CNTNAP2: variants seen among roughly 807,000 people sequenced by gnomAD.
CNTNAP2 encodes the protein contactin-associated protein-like 2.
In CNTNAP2, 98 loss-of-function variants were observed where a neutral mutation model predicts 155.2. That is an observed-to-expected ratio of 0.63 (90% CI 0.54 to 0.75). The LOEUF (loss-of-function observed/expected upper bound fraction) is 0.75. Among genes scored for constraint, CNTNAP2 ranks in the 30% least tolerant of loss-of-function variants. CNTNAP2 has a pLI of 0.00. For synonymous variants in CNTNAP2, 651 were observed against 631.2 expected (o/e 1.03, Z -0.47); for missense variants, 1,727 against 1,688.1 (o/e 1.02, Z -0.40).
At chr7:146,737,891 A>G (rs1390271710) in intron 1 of CNTNAP2, among the ~76,000 whole-genome samples, 1 of 152,108 alleles carries the variant, frequency 6.6e-6, no homozygotes, top group Non-Finnish European at 1.5e-5. Flanking sequence ...ACAAACACAC[A>G]TACCACATTT....
chr7:148,226,598 G>GT lies in CNTNAP2; in HGVS notation c.3248-3047dup, dbSNP rs1216936304. ...GAGGCAAAATGATGGAGTTTAACGG[G>GT]TATATGACCTTCCTCTAGGAACACT... is the stretch of plus-strand genomic sequence containing the variant. On this transcript the variant is annotated intron_variant, in intron 19 of 23. Transcript: ENST00000361727. Among the ~76,000 whole-genome samples the GT allele has an allele frequency of 4.0e-5, 6 of 151,446 alleles. No homozygotes were observed. In the East Asian group the frequency reaches 1.2e-3, roughly 29 times the overall value.
chr7:147,005,501 T>C (rs1322449700), intron 3 of CNTNAP2, among the ~76,000 whole-genome samples: 1 of 152,028 alleles, frequency 6.6e-6, no homozygotes, highest in Non-Finnish European at 1.5e-5. Context: ...GTATACCTCA[T>C]TTACATGTGG....
intron 8 of CNTNAP2, among the ~76,000 whole-genome samples, chr7:147,138,134 C>G (rs1462328656): frequency 6.6e-6 from 1 of 151,634 alleles, no homozygotes; most frequent in Non-Finnish European, 1.5e-5. Flanking sequence ...CTAAAAATTT[C>G]CGGTAAAGGC....
intron 1 of CNTNAP2, among the ~76,000 whole-genome samples, chr7:146,590,756 C>T (rs1798769162): frequency 6.6e-6 from 1 of 152,144 alleles, no homozygotes; most frequent in Non-Finnish European, 1.5e-5. Context: ...GCCCAGGTTT[C>T]CCCATGCAAT....
intron 4 of CNTNAP2, among the ~76,000 whole-genome samples, chr7:147,105,953 C>T (rs1414309681): frequency 1.3e-5 from 2 of 151,970 alleles, no homozygotes; most frequent in African/African-American, 4.8e-5. Flanking sequence ...AAGCCATCTT[C>T]ATCTTTTCTG....
intron 14 of CNTNAP2, among the ~76,000 whole-genome samples, chr7:147,926,009 G>A (rs1800390914): frequency 6.6e-6 from 1 of 152,152 alleles, no homozygotes; most frequent in South Asian, 2.1e-4. Flanking sequence ...GATAAAAAAT[G>A]TTAAATAGTA....
chr7:146,169,757 T>C (rs1798362188), intron 1 of CNTNAP2, among the ~76,000 whole-genome samples: 1 of 151,290 alleles, frequency 6.6e-6, no homozygotes, highest in Non-Finnish European at 1.5e-5. Context: ...TTTAACATAA[T>C]ATATTCCAGG....
At chr7:147,060,825 C>G (rs1799652258) in intron 4 of CNTNAP2, among the ~76,000 whole-genome samples, 1 of 151,154 alleles carries the variant, frequency 6.6e-6, no homozygotes, top group Non-Finnish European at 1.5e-5. Flanking sequence ...GACCGCGCCA[C>G]TGCACTCCAG....
At chr7:146,937,904 A>G (rs1205093312) in intron 3 of CNTNAP2, among the ~76,000 whole-genome samples, 1 of 152,172 alleles carries the variant, frequency 6.6e-6, no homozygotes, top group Non-Finnish European at 1.5e-5. Flanking sequence ...AAGTTTAAGG[A>G]AGCTAAAAAG....
intron 13 of CNTNAP2, among the ~76,000 whole-genome samples, chr7:147,746,270 T>C (rs10500191): frequency 0.23 from 34,938 of 152,126 alleles, 4,221 homozygotes; most frequent in Middle Eastern, 0.4. Context: ...GATTGAAAGA[T>C]ACCAGATTTA....
chr7:146,618,357 A>G (rs1291556225), intron 1 of CNTNAP2, among the ~76,000 whole-genome samples: 8 of 152,220 alleles, frequency 5.3e-5, no homozygotes, highest in Non-Finnish European at 7.3e-5. Flanking sequence ...AGACTCATTA[A>G]TTGTACATTT....
intron 17 of CNTNAP2, among the ~76,000 whole-genome samples, chr7:148,157,310 G>A (rs948424885): frequency 1.3e-5 from 2 of 152,050 alleles, no homozygotes; most frequent in Non-Finnish European, 2.9e-5. Flanking sequence ...GGAGGATAGG[G>A]TCCAATAACA....
intron 21 of CNTNAP2, among the ~76,000 whole-genome samples, chr7:148,295,327 CTCT>C (rs1032052354): frequency 5.3e-5 from 8 of 152,028 alleles, no homozygotes; most frequent in Non-Finnish European, 1.0e-4. Flanking sequence ...GTGCTCAAGG[CTCT>C]TCTTCTATCT....
chr7:147,856,637 T>C (rs1246584306), intron 13 of CNTNAP2, among the ~76,000 whole-genome samples: 1 of 152,036 alleles, frequency 6.6e-6, no homozygotes, highest in East Asian at 1.9e-4. Context: ...GGCTTTTTTT[T>C]TTTTTCTGCT....
intron 13 of CNTNAP2, among the ~76,000 whole-genome samples, chr7:147,821,115 T>C (rs1584973425): frequency 6.6e-6 from 1 of 152,200 alleles, no homozygotes; most frequent in Non-Finnish European, 1.5e-5. Context: ...CAGGTAGCAG[T>C]ATATAGTTAC....
At chr7:146,778,652 A>T (rs891389184) in intron 2 of CNTNAP2, among the ~76,000 whole-genome samples, 2 of 152,218 alleles carry the variant, frequency 1.3e-5, no homozygotes, top group African/African-American at 2.4e-5. Flanking sequence ...CAAACAGCAT[A>T]TCCCTTACCT....
chr7:146,188,921 C>A (rs1798661463), intron 1 of CNTNAP2, among the ~76,000 whole-genome samples: 2 of 152,048 alleles, frequency 1.3e-5, no homozygotes. Flanking sequence ...ATTATAACCA[C>A]CCAGGTAAAA....
chr7:147,513,304 T>G (rs189447340), intron 11 of CNTNAP2, among the ~76,000 whole-genome samples: 1 of 152,268 alleles, frequency 6.6e-6, no homozygotes, highest in African/African-American at 2.4e-5. Context: ...CCGAATGGAT[T>G]ATAATCTTCT....
intron 3 of CNTNAP2, among the ~76,000 whole-genome samples, chr7:146,969,295 G>C (rs1223454581): frequency 6.6e-6 from 1 of 152,030 alleles, no homozygotes; most frequent in African/African-American, 2.4e-5. Flanking sequence ...CTGTTGATTT[G>C]GGGTGGAGAG....
Sources: allele counts gnomAD v4.1 joint callset (sites outside exome capture counted in the v4.1 genomes callset), GRCh38; gene constraint gnomAD v4.1.1; transcripts MANE v1.5; gene names NCBI Gene and HGNC (gene_info 2026-07-23, HGNC 2026-07-21).